Variants in TNNI3K observed in about 807,000 individuals in gnomAD.
TNNI3K encodes TNNI3 interacting kinase.
Under a neutral mutation model 114.5 loss-of-function variants are expected in TNNI3K, and 140 were observed. The ratio of observed to expected loss-of-function variants is 1.22; its 90% CI spans 1.07 to 1.41. TNNI3K has a LOEUF of 1.41. Among genes scored for constraint, TNNI3K ranks in the 40% most tolerant of loss-of-function variants. The probability of loss-of-function intolerance (pLI) is 0.00; values close to 1 mark genes in which losing one functional copy is unlikely to be tolerated. For synonymous variants in TNNI3K, 347 were observed against 347.5 expected (o/e 1.00, Z 0.02); for missense variants, 1,125 against 1,007.6 (o/e 1.12, Z -1.58).
chr1:74,367,196 G>A (rs1442578379), intron 11 of TNNI3K, 60 bp from the exon 12 acceptor site: 3 of 1,572,160 alleles, frequency 1.9e-6, no homozygotes, highest in Non-Finnish European at 2.6e-6. Flanking sequence ...GGATTTGAGA[G>A]TAGACTGAAT....
At chr1:74,267,715 A>G (rs1459688224) in intron 4 of TNNI3K, among the ~76,000 whole-genome samples, 1 of 151,980 alleles carries the variant, frequency 6.6e-6, no homozygotes, top group African/African-American at 2.4e-5. Flanking sequence ...GGCAGTATTC[A>G]GTTAAAAAGT....
Position 74,376,985 on chromosome 1 carries a change from A to G in TNNI3K, c.1772+6593A>G, listed in dbSNP as rs564954210. On this transcript the variant is annotated intron_variant, in intron 17 of 24. Transcript: ENST00000326637. ...GCAGTGGTTCTCAGTTTGGCTGCAC[A>G]GTATCTAAGAGAACTTTAAGAAAAT... 140 of 152,192 alleles carry G rather than the reference A, an allele frequency of 9.2e-4. 2 individuals are homozygous for G. Among genetic ancestry groups the G allele is most frequent in the Non-Finnish European group, 4.6e-4 (31 of 67,990 alleles). The allele number at this position is 152,192 out of a possible 1,614,324, so 9.4% of individuals were successfully genotyped here.
intron 21 of TNNI3K, among the ~76,000 whole-genome samples, chr1:74,483,691 T>C (rs2100268822): frequency 6.6e-6 from 1 of 152,360 alleles, no homozygotes; most frequent in Admixed American, 6.5e-5. Context: ...TACTTAGTTC[T>C]TTTAATTCTG....
intron 9 of TNNI3K, among the ~76,000 whole-genome samples, chr1:74,349,101 T>C (rs1404527811): frequency 6.6e-6 from 1 of 152,186 alleles, no homozygotes; most frequent in Non-Finnish European, 1.5e-5. Flanking sequence ...GCTTCCAGTT[T>C]TTGCCCATTC....
intron 23 of TNNI3K, among the ~76,000 whole-genome samples, chr1:74,498,909 G>A (rs898159604): frequency 6.6e-6 from 1 of 152,066 alleles, no homozygotes; most frequent in Non-Finnish European, 1.5e-5. Context: ...TCCTTCAAAG[G>A]TAGATTTCAT....
At chr1:74,428,771 C>T (rs1051859509) in intron 17 of TNNI3K, among the ~76,000 whole-genome samples, 1 of 151,948 alleles carries the variant, frequency 6.6e-6, no homozygotes, top group African/African-American at 2.4e-5. Context: ...CTCATTTCTG[C>T]AAAATGTTCA....
At chr1:74,444,520 A>G (rs1666539350) in intron 20 of TNNI3K, among the ~76,000 whole-genome samples, 1 of 152,208 alleles carries the variant, frequency 6.6e-6, no homozygotes. Flanking sequence ...CCACTGCTCA[A>G]AGAAATAAGA....
At chr1:74,327,742 ATAT>A (rs910362124) in intron 5 of TNNI3K, among the ~76,000 whole-genome samples, 11 of 147,818 alleles carry the variant, frequency 7.4e-5, no homozygotes, top group African/African-American at 2.2e-4. Flanking sequence ...TTTAATAATA[ATAT>A]TAAGATGTAT....
intron 12 of TNNI3K, 114 bp downstream of exon 12, chr1:74,367,456 T>C: frequency 9.2e-7 from 1 of 1,088,512 alleles, no homozygotes. Flanking sequence ...GCATAGCCTA[T>C]GTCAGATTAG....
At chr1:74,405,751 G>T (rs908545863) in intron 17 of TNNI3K, among the ~76,000 whole-genome samples, 1 of 152,114 alleles carries the variant, frequency 6.6e-6, no homozygotes, top group East Asian at 1.9e-4. Context: ...CAACTACTGG[G>T]CTCCCTGTAA....
intron 9 of TNNI3K, among the ~76,000 whole-genome samples, chr1:74,349,577 T>A (rs1661215159): frequency 6.6e-6 from 1 of 152,222 alleles, no homozygotes; most frequent in African/African-American, 2.4e-5. Context: ...TCTGGTAGAA[T>A]TCGGCTGTGA....
intron 5 of TNNI3K, among the ~76,000 whole-genome samples, chr1:74,307,053 G>A (rs938008816): frequency 6.6e-5 from 10 of 152,114 alleles, no homozygotes; most frequent in Admixed American, 3.9e-4. Context: ...AGAGGTAAAC[G>A]TCCAGTTTTA....
intron 4 of TNNI3K, among the ~76,000 whole-genome samples, chr1:74,252,750 C>T (rs562701894): frequency 6.6e-5 from 10 of 152,120 alleles, no homozygotes; most frequent in Non-Finnish European, 1.2e-4. Context: ...TTCGTGGTCT[C>T]GCTGGCTTCA....
intron 21 of TNNI3K, among the ~76,000 whole-genome samples, chr1:74,487,783 ATTTTG>A (rs1284474825): frequency 1.3e-5 from 2 of 152,102 alleles, no homozygotes; most frequent in Non-Finnish European, 2.9e-5. Context: ...CTCTTGTTTT[ATTTTG>A]TTTTGTTTTA....
chr1:74,466,765 T>G (rs1294054292), intron 21 of TNNI3K, among the ~76,000 whole-genome samples: 2 of 152,180 alleles, frequency 1.3e-5, no homozygotes, highest in African/African-American at 2.4e-5. Flanking sequence ...GTTAGCAAGC[T>G]GAGTGGCAAA....
chr1:74,247,808 C>G (rs909291728), intron 2 of TNNI3K, among the ~76,000 whole-genome samples: 3 of 152,206 alleles, frequency 2.0e-5, no homozygotes, highest in Non-Finnish European at 4.4e-5. Flanking sequence ...CTCCAAGTCC[C>G]CACCCAACTC....
chr1:74,341,576 T>TA (rs1044132643), intron 7 of TNNI3K: 2 of 151,828 alleles, frequency 1.3e-5, no homozygotes, highest in Non-Finnish European at 2.9e-5. Flanking sequence ...TTTTTTTTTT[T>TA]TACTTTCAAG....
Position 74,388,112 on chromosome 1 carries a change from T to C in TNNI3K, c.1772+17720T>C, listed in dbSNP as rs190909564. ...GGCCAATATGGCGAAACCCCATCTC[T>C]ACTAGAAACACAAAGAGTAGCCAGG... is the stretch of plus-strand genomic sequence containing the variant. On this transcript the variant is annotated intron_variant, in intron 17 of 24. Coordinates refer to ENST00000326637, the MANE Select transcript of TNNI3K (RefSeq NM_015978.3). Among the ~76,000 whole-genome samples, 16 of 152,108 alleles carry C rather than the reference T, an allele frequency of 1.1e-4. No homozygotes were observed. The East Asian group carries it at 2.5e-3, about 24-fold the overall frequency.
chr1:74,239,804 C>T (rs568189231), intron 2 of TNNI3K, among the ~76,000 whole-genome samples: 1 of 152,216 alleles, frequency 6.6e-6, no homozygotes, highest in South Asian at 2.1e-4. Flanking sequence ...AAATGTAAGA[C>T]AGAAAGAGCT....
Sources: gnomAD v4.1 joint callset for allele counts (sites outside exome capture counted in the v4.1 genomes callset) on GRCh38, gnomAD v4.1.1 for gene constraint, MANE v1.5 for transcripts, NCBI Gene and HGNC (gene_info 2026-07-23, HGNC 2026-07-21) for gene names.